Variants in ARMC9 observed in about 807,000 individuals in gnomAD.
ARMC9 encodes armadillo repeat containing 9.
Under a neutral mutation model 107.0 loss-of-function variants are expected in ARMC9, and 94 were observed. That is an observed-to-expected ratio of 0.88 (90% CI 0.74 to 1.04). The LOEUF (loss-of-function observed/expected upper bound fraction) is 1.04. Ranked by LOEUF, ARMC9 falls within the 50% of genes least tolerant of loss-of-function variation. The pLI is 0.00. For missense variants in ARMC9, 942 were observed against 1,030.1 expected (o/e 0.91, Z 1.17); for synonymous variants, 380 against 396.9 (o/e 0.96, Z 0.51).
intron 16 of ARMC9, among the ~76,000 whole-genome samples, chr2:231,280,284 T>G: frequency 6.6e-6 from 1 of 151,962 alleles, no homozygotes; most frequent in African/African-American, 2.4e-5. Context: ...GTGAAACCCC[T>G]TCTCTCCCAC....
chr2:231,269,927 T>A (rs2039178720), intron 12 of ARMC9, among the ~76,000 whole-genome samples: 1 of 129,148 alleles, frequency 7.7e-6, no homozygotes, highest in Non-Finnish European at 1.6e-5. Flanking sequence ...AGATGTCTGC[T>A]AGTCCTTGGT....
intron 6 of ARMC9, among the ~76,000 whole-genome samples, chr2:231,223,102 G>T (rs1044691639): frequency 5.3e-5 from 8 of 152,218 alleles, no homozygotes; most frequent in African/African-American, 9.6e-5. Context: ...TCTTGTAAAA[G>T]AATTCCTTGG....
chr2:231,203,979 A>G (rs1027027282), intron 1 of ARMC9, among the ~76,000 whole-genome samples: 3 of 151,996 alleles, frequency 2.0e-5, no homozygotes, highest in South Asian at 4.1e-4. Flanking sequence ...ACAAACAAAA[A>G]AAAACCTCAC....
intron 20 of ARMC9, among the ~76,000 whole-genome samples, chr2:231,340,394 A>T (rs373184082): frequency 3.9e-5 from 6 of 152,300 alleles, no homozygotes; most frequent in African/African-American, 1.2e-4. Flanking sequence ...TCCTAAGCCA[A>T]AGTGGCTTAT....
chr2:231,369,214 A>G (rs1029350909), intron 23 of ARMC9, among the ~76,000 whole-genome samples: 3 of 152,120 alleles, frequency 2.0e-5, no homozygotes, highest in African/African-American at 7.2e-5. Context: ...TGGCATGGGG[A>G]TTCTTGCCCA....
At chr2:231,329,304 G>T (rs963535208) in intron 19 of ARMC9, among the ~76,000 whole-genome samples, 5 of 151,898 alleles carry the variant, frequency 3.3e-5, no homozygotes, top group South Asian at 2.1e-4. Context: ...TTGAATTTTT[G>T]ATTTCTTTTT....
chr2:231,247,927 T>C (rs897904375), intron 9 of ARMC9, among the ~76,000 whole-genome samples: 1 of 152,130 alleles, frequency 6.6e-6, no homozygotes, highest in Non-Finnish European at 1.5e-5. Flanking sequence ...CAAGACTCTG[T>C]CTCAAAAAAT....
At chr2:231,235,975 C>T (rs1424440380) in intron 8 of ARMC9, among the ~76,000 whole-genome samples, 3 of 152,108 alleles carry the variant, frequency 2.0e-5, no homozygotes, top group South Asian at 2.1e-4. Context: ...AATATTGAGA[C>T]GGGGTCTTGC....
intron 8 of ARMC9, among the ~76,000 whole-genome samples, chr2:231,238,414 A>G (rs561630309): frequency 2.0e-5 from 3 of 152,290 alleles, no homozygotes; most frequent in African/African-American, 7.2e-5. Flanking sequence ...CAGTGGTGCA[A>G]TCTCAGCTCA....
chr2:231,370,150 C>T (rs1216565669), intron 24 of ARMC9, 25 bp downstream of exon 24: 69 of 1,487,192 alleles, frequency 4.6e-5, no homozygotes, highest in Non-Finnish European at 5.6e-5. Context: ...GCCCCACTGG[C>T]GTGGGAGCCT....
intron 23 of ARMC9, among the ~76,000 whole-genome samples, chr2:231,366,362 G>A (rs974685978): frequency 6.6e-6 from 1 of 152,062 alleles, no homozygotes; most frequent in Non-Finnish European, 1.5e-5. Flanking sequence ...ATATTTGACC[G>A]AATATCTGGG....
At chr2:231,200,615 A>G (rs1041827220) in intron 1 of ARMC9, among the ~76,000 whole-genome samples, 1 of 152,202 alleles carries the variant, frequency 6.6e-6, no homozygotes, top group Non-Finnish European at 1.5e-5. Flanking sequence ...CAGAGGTTGC[A>G]GTGAGCCAGA....
intron 17 of ARMC9, among the ~76,000 whole-genome samples, chr2:231,282,526 C>T (rs2040292803): frequency 6.6e-6 from 1 of 152,144 alleles, no homozygotes; most frequent in Non-Finnish European, 1.5e-5. Context: ...AAGCAAACCT[C>T]AGGTGATTAG....
At chr2:231,356,824 AT>A (rs1475184786) in intron 22 of ARMC9, among the ~76,000 whole-genome samples, 1 of 152,136 alleles carries the variant, frequency 6.6e-6, no homozygotes, top group Non-Finnish European at 1.5e-5. Context: ...TTATCCAGAG[AT>A]TTCTGCTGCC....
At chr2:231,284,573 T>G (rs954790656) in intron 17 of ARMC9, among the ~76,000 whole-genome samples, 2 of 152,226 alleles carry the variant, frequency 1.3e-5, no homozygotes, top group African/African-American at 2.4e-5. Flanking sequence ...AAGGCTTCTC[T>G]TGACATGGCA....
chr2:231,255,958 T>C lies in ARMC9; in HGVS notation c.880-628T>C, dbSNP rs2037745647. The C allele has an allele frequency of 3.8e-6, 3 of 782,438 alleles. No individual in the cohort carries two copies. The highest frequency in any genetic ancestry group is 5.9e-6 in the Non-Finnish European group (3 of 505,358). The allele number at this position is 782,438 out of a possible 1,614,324, so 48.5% of individuals were successfully genotyped here. On this transcript the variant is annotated intron_variant, in intron 9 of 24. Transcript: ENST00000611582. This position sits in a 1 kb window ranked among gnomAD's most constrained non-coding sequence, Gnocchi z 4.7. ...AGGAGGCTGAGGCAGGAGAATGGCGTGAACCCGGTAGGCGGAGGTTGCGGT... is the reference window on the plus strand; with the variant it reads ...AGGAGGCTGAGGCAGGAGAATGGCGCGAACCCGGTAGGCGGAGGTTGCGGT...
intron 19 of ARMC9, among the ~76,000 whole-genome samples, chr2:231,313,235 C>G (rs528133477): frequency 1.3e-5 from 2 of 152,314 alleles, no homozygotes; most frequent in African/African-American, 4.8e-5. Context: ...TCCTTTGTCT[C>G]TAATAATGTC....
intron 17 of ARMC9, among the ~76,000 whole-genome samples, chr2:231,287,203 C>G (rs951335126): frequency 1.3e-5 from 2 of 152,224 alleles, no homozygotes; most frequent in Non-Finnish European, 2.9e-5. Flanking sequence ...ACAGCACAGG[C>G]CCATGATGCC....
intron 4 of ARMC9, 87 bp from the exon 5 acceptor site, chr2:231,216,551 A>G: frequency 6.9e-7 from 1 of 1,446,264 alleles, no homozygotes. Context: ...CGACTGGGAC[A>G]GAAGGAGCCT....
Sources: gnomAD v4.1 joint callset for allele counts (sites outside exome capture counted in the v4.1 genomes callset) on GRCh38, gnomAD v4.1.1 for gene constraint, Gnocchi (gnomAD v3.1) non-coding constraint, MANE v1.5 for transcripts, NCBI Gene and HGNC (gene_info 2026-07-23, HGNC 2026-07-21) for gene names.